Variants in TBC1D8B observed in about 807,000 individuals in gnomAD.
The protein encoded by TBC1D8B is TBC1 domain family member 8B, also known as RP11-321G1.1.
A neutral mutation model predicts 82.9 loss-of-function variants in TBC1D8B; 75 were observed. The observed-to-expected ratio is 0.90, with a 90% CI of 0.75 to 1.10. The LOEUF is 1.10. TBC1D8B is among the 50% of genes least tolerant of loss of function. The pLI is 0.00. For synonymous variants in TBC1D8B, 276 were observed against 276.8 expected, an observed-to-expected ratio of 1.00 and a Z score of 0.03; for missense variants, 794 against 796.9, an observed-to-expected ratio of 1.00 and a Z score of 0.04.
chrX:106,845,335 C>T (rs1307865504), intron 10 of TBC1D8B, among the ~76,000 whole-genome samples: 19 of 108,854 alleles, frequency 1.7e-4, no homozygotes, highest in Admixed American at 2.0e-4. Flanking sequence ...TTTTAGGGTA[C>T]GTGTGCACAA....
intron 1 of TBC1D8B, among the ~76,000 whole-genome samples, chrX:106,807,498 G>A (rs1931226550): frequency 1.1e-5 from 1 of 93,633 alleles, no homozygotes; most frequent in Admixed American, 1.2e-4. Context: ...ATTATTGACT[G>A]CATACCTAAG....
At chrX:106,841,301 A>T (rs2147752919) in intron 10 of TBC1D8B, among the ~76,000 whole-genome samples, 1 of 111,869 alleles carries the variant, frequency 8.9e-6, no homozygotes, top group South Asian at 3.7e-4. Flanking sequence ...CATCTGGAGG[A>T]GTCAGAGAAG....
chrX:106,836,769 T>G lies in TBC1D8B; in HGVS notation c.1204-2539T>G, dbSNP rs1932186292. Among the ~76,000 whole-genome samples the G allele has an allele frequency of 1.8e-5, 2 of 111,630 alleles. 1 individual carries two copies. The highest frequency in any genetic ancestry group is 3.8e-5 in the Non-Finnish European group (2 of 53,116). Reference sequence around the variant, plus strand: ...AGGAAAAACAAAGTTGGAAGACTCATGCTTTCCAATTTCAAAACTTATTAT... The same window carrying G: ...AGGAAAAACAAAGTTGGAAGACTCAGGCTTTCCAATTTCAAAACTTATTAT... On this transcript the variant is annotated intron_variant, in intron 7 of 20. Transcript: ENST00000357242.
chrX:106,839,979 T>C, intron 8 of TBC1D8B, 69 bp from the exon 9 acceptor site: 1 of 1,063,474 alleles, frequency 9.4e-7, no homozygotes, highest in Admixed American at 2.8e-5. Flanking sequence ...GTAAAGAGAG[T>C]GGGAAAGTTA....
intron 1 of TBC1D8B, among the ~76,000 whole-genome samples, chrX:106,813,503 T>G (rs766069277): frequency 8.9e-5 from 10 of 112,084 alleles, no homozygotes; most frequent in African/African-American, 3.2e-4. Flanking sequence ...TGCCAAAAAG[T>G]GACCTTTCTT....
intron 5 of TBC1D8B, 80 bp downstream of exon 5, chrX:106,823,546 T>C: frequency 2.8e-6 from 3 of 1,063,761 alleles, no homozygotes; most frequent in Non-Finnish European, 3.8e-6. Context: ...CATTAAAAGT[T>C]AACTCTTCTA....
chrX:106,870,535 T>C (rs957721096), intron 19 of TBC1D8B, among the ~76,000 whole-genome samples, 181 bp from the exon 20 acceptor site: 29 of 111,503 alleles, frequency 2.6e-4, no homozygotes, highest in Non-Finnish European at 2.8e-4. Context: ...TAAACAGAAA[T>C]GGGAAAAGTA....
At chrX:106,854,002 T>C (rs1203484158) in intron 13 of TBC1D8B, among the ~76,000 whole-genome samples, 196 bp from the exon 14 acceptor site, 1 of 111,829 alleles carries the variant, frequency 8.9e-6, no homozygotes, top group Non-Finnish European at 1.9e-5. Context: ...ACATAGTAGA[T>C]GGAATTCTCT....
At chrX:106,868,552 T>C in intron 18 of TBC1D8B, 76 bp downstream of exon 18, 1 of 667,534 alleles carries the variant, frequency 1.5e-6, no homozygotes. Context: ...AGATATACTT[T>C]ACCCAACTAA....
chrX:106,835,884 T>G (rs1932164856), intron 7 of TBC1D8B, among the ~76,000 whole-genome samples: 1 of 111,869 alleles, frequency 8.9e-6, no homozygotes, highest in African/African-American at 3.2e-5. Flanking sequence ...TATCAGCATT[T>G]TGGTCAAAGC....
intron 20 of TBC1D8B, among the ~76,000 whole-genome samples, chrX:106,873,213 T>C (rs1227241613): frequency 1.8e-5 from 2 of 111,373 alleles, no homozygotes; most frequent in South Asian, 7.6e-4. Flanking sequence ...TTCTCCTGCC[T>C]CAGCCTCCCA....
At chrX:106,808,025 C>T (rs370476928) in intron 1 of TBC1D8B, among the ~76,000 whole-genome samples, 94 of 110,154 alleles carry the variant, frequency 8.5e-4, no homozygotes, top group African/African-American at 3.0e-3. Flanking sequence ...TGTACTCCAG[C>T]CTAGGTGACA....
At position 106,849,549 on chromosome X, in the gene TBC1D8B, T is replaced by C. The variant is rs760374140; in HGVS notation, c.1838-476T>C. 13 of 948,817 alleles carry C rather than the reference T, an allele frequency of 1.4e-5. No homozygotes were observed. The South Asian group carries it at 6.5e-4, about 47-fold the overall frequency. The allele number at this position is 948,817 out of a possible 1,213,427, so 78.2% of individuals were successfully genotyped here. A position where few individuals can be genotyped will look rare whatever the true frequency, so the allele number is the denominator to read the frequency against. ...ACTCATCAGAGGGATCAGTGCTTTCTCTGTGTATTGCTGGAGTCTGAAAGT... is the reference window on the plus strand; with the variant it reads ...ACTCATCAGAGGGATCAGTGCTTTCCCTGTGTATTGCTGGAGTCTGAAAGT... On this transcript the variant is annotated intron_variant, in intron 11 of 20. Coordinates refer to ENST00000357242, the MANE Select transcript of TBC1D8B (RefSeq NM_017752.3).
At chrX:106,863,536 T>A (rs1332772185) in intron 14 of TBC1D8B, among the ~76,000 whole-genome samples, 1 of 111,442 alleles carries the variant, frequency 9.0e-6, no homozygotes, top group Non-Finnish European at 1.9e-5. Context: ...GGGTGTCTCA[T>A]CTCTCAGTGA....
chrX:106,859,789 T>C lies in TBC1D8B; in HGVS notation c.2352+5493T>C, dbSNP rs757844446. ...GTCTTCTGGTTCTCAAGGGGAATGC[T>C]TCCAGCTTTTACCCATTCAGTATGA... is the stretch of plus-strand genomic sequence containing the variant. On this transcript the variant is annotated intron_variant, in intron 14 of 20. Transcript: ENST00000357242. Among the ~76,000 whole-genome samples, 13 of 111,906 alleles carry C rather than the reference T, an allele frequency of 1.2e-4. No individual in the cohort carries two copies. The South Asian group carries it at 3.8e-3, about 33-fold the overall frequency.
rs1356044918 is a variant in TBC1D8B, at chrX:106,865,978, G to A, written c.2607G>A (p.Leu869=). ...CACTAGCTTTATGGACATTCAGATTGTTAGATGAAAACTCTGATTGCCTTA... is the reference window on the plus strand; with the variant it reads ...CACTAGCTTTATGGACATTCAGATTATTAGATGAAAACTCTGATTGCCTTA... ...KDSLALWTFR[L]LDENSDCLIN... is the part of the protein sequence containing the mutation. Residue 869 remains leucine (L), a synonymous_variant, in exon 16 of 21, where the codon TTG becomes TTA. Coordinates refer to ENST00000357242, the MANE Select transcript of TBC1D8B (RefSeq NM_017752.3). 3.3e-6 allele frequency: 4 copies of A among 1,208,027 alleles called. No homozygotes were observed. The highest frequency in any genetic ancestry group is 4.5e-6 in the Non-Finnish European group (4 of 893,428).
chrX:106,854,799 A>G (rs750079541), intron 14 of TBC1D8B, among the ~76,000 whole-genome samples: 9 of 111,508 alleles, frequency 8.1e-5, no homozygotes, highest in African/African-American at 2.6e-4. Flanking sequence ...TACAGGCGTG[A>G]GCTACCACAC....
chrX:106,836,184 G>A (rs1341333237), intron 7 of TBC1D8B, among the ~76,000 whole-genome samples: 1 of 112,024 alleles, frequency 8.9e-6, no homozygotes, highest in Non-Finnish European at 1.9e-5. Flanking sequence ...CATGGCAGAA[G>A]GCACCTCTTC....
At chrX:106,849,563 G>T in intron 11 of TBC1D8B, 2 of 929,349 alleles carry the variant, frequency 2.2e-6, no homozygotes, top group South Asian at 5.7e-5. Flanking sequence ...TGTATTGCTG[G>T]AGTCTGAAAG....
Sources: allele counts gnomAD v4.1 joint callset (sites outside exome capture counted in the v4.1 genomes callset), GRCh38; gene constraint gnomAD v4.1.1; transcripts MANE v1.5; gene names NCBI Gene and HGNC (gene_info 2026-07-23, HGNC 2026-07-21).